The following GPD2 variants were observed in gnomAD, a reference collection of about 807,000 sequenced individuals.
GPD2 encodes the protein glycerol-3-phosphate dehydrogenase, mitochondrial.
In GPD2, 54 loss-of-function variants were observed where a neutral mutation model predicts 82.4. That is an observed-to-expected ratio of 0.66 (90% CI 0.53 to 0.82). The LOEUF is 0.82. Among genes scored for constraint, GPD2 ranks in the 40% least tolerant of loss-of-function variants. The pLI is 0.00. For missense variants in GPD2, 748 were observed against 896.2 expected, an observed-to-expected ratio of 0.83 and a Z score of 2.11; for synonymous variants, 288 against 306.1, an observed-to-expected ratio of 0.94 and a Z score of 0.62.
intron 2 of GPD2, among the ~76,000 whole-genome samples, chr2:156,478,669 A>G (rs899249385): frequency 2.0e-5 from 3 of 152,116 alleles, no homozygotes; most frequent in South Asian, 2.1e-4. Flanking sequence ...CCTGACTTCA[A>G]TAGTCAAAAA....
At chr2:156,433,629 T>G (rs1688346762), upstream of GPD2, among the ~76,000 whole-genome samples, 1 of 152,212 alleles carries the variant, frequency 6.6e-6, no homozygotes, top group Non-Finnish European at 1.5e-5. Context: ...CGTGAATTAC[T>G]CTTGCAATTC....
At chr2:156,497,034 C>G (rs1343841606) in intron 3 of GPD2, among the ~76,000 whole-genome samples, 1 of 152,078 alleles carries the variant, frequency 6.6e-6, no homozygotes, top group Non-Finnish European at 1.5e-5. Context: ...TATAGAACAC[C>G]AATGCTCTTG....
chr2:156,455,518 CCTTA>C (rs1291631976), intron 1 of GPD2, among the ~76,000 whole-genome samples: 1 of 152,154 alleles, frequency 6.6e-6, no homozygotes, highest in Non-Finnish European at 1.5e-5. Flanking sequence ...TTCATTGCCT[CCTTA>C]CTTAGGATTA....
intron 16 of GPD2, 50 bp from the exon 17 acceptor site, chr2:156,582,741 AAG>A: frequency 1.3e-6 from 2 of 1,598,624 alleles, no homozygotes; most frequent in Non-Finnish European, 1.7e-6. Flanking sequence ...TGCCATGAAG[AAG>A]AGAGTAAGTT....
At chr2:156,489,817 CCT>C (rs1684102961) in intron 2 of GPD2, among the ~76,000 whole-genome samples, 1 of 81,862 alleles carries the variant, frequency 1.2e-5, no homozygotes, top group African/African-American at 5.0e-5. Context: ...CTCCCTCTTC[CCT>C]CTTTCCTGTT....
intron 2 of GPD2, among the ~76,000 whole-genome samples, chr2:156,493,751 G>A (rs565224253): frequency 4.5e-4 from 68 of 152,190 alleles, no homozygotes; most frequent in African/African-American, 1.6e-3. Context: ...GTGTGAAAAT[G>A]CTCTGGCGGT....
chr2:156,434,098 C>G (rs1190530956), upstream of GPD2, among the ~76,000 whole-genome samples: 4 of 152,050 alleles, frequency 2.6e-5, no homozygotes, highest in South Asian at 2.1e-4. Flanking sequence ...TGCCCAGTCA[C>G]AAGTTTTTAT....
intron 8 of GPD2, among the ~76,000 whole-genome samples, chr2:156,551,082 A>G (rs1686741010): frequency 6.6e-6 from 1 of 152,212 alleles, no homozygotes; most frequent in South Asian, 2.1e-4. Context: ...TTTATAAAGG[A>G]CGTATTTTAG....
At chr2:156,531,722 C>A (rs139878299) in intron 6 of GPD2, among the ~76,000 whole-genome samples, 92 of 152,308 alleles carry the variant, frequency 6.0e-4, no homozygotes, top group African/African-American at 2.2e-3. Flanking sequence ...AAGGACACTG[C>A]CCTTCTCAGT....
intron 1 of GPD2, among the ~76,000 whole-genome samples, chr2:156,437,487 C>T (rs1186958381): frequency 1.3e-5 from 2 of 152,124 alleles, no homozygotes; most frequent in African/African-American, 4.8e-5. Flanking sequence ...CAATGGAGAC[C>T]GTGTGCAGTC....
At chr2:156,451,458 C>T (rs1246175804) in intron 1 of GPD2, among the ~76,000 whole-genome samples, 5 of 65,490 alleles carry the variant, frequency 7.6e-5, no homozygotes, top group Admixed American at 1.8e-4. Context: ...GGCGGCTGGC[C>T]GGGCGGGGGG....
rs569477243 is a variant in GPD2 at position 156,550,552 on chromosome 2, T to A, written c.827-50T>A. ...ATGAATTAGTAATACACAGCATCCG[T>A]TAACAGAGAAACAAATGAGGTGTGT... is the stretch of plus-strand genomic sequence containing the variant. On this transcript the variant is annotated intron_variant, in intron 7 of 16. Transcript: ENST00000438166. 1.3e-5 allele frequency: 20 copies of A among 1,591,182 alleles called. No homozygotes were observed. The African/African-American group carries it at 2.5e-4, about 20-fold the overall frequency.
the GPD2 span, among the ~76,000 whole-genome samples, chr2:156,416,732 A>G: frequency 6.6e-6 from 1 of 152,066 alleles, no homozygotes; most frequent in Non-Finnish European, 1.5e-5. Flanking sequence ...AACAAAACAG[A>G]CAGATATCCC....
chr2:156,482,924 G>A (rs1374961820), intron 2 of GPD2, among the ~76,000 whole-genome samples: 1 of 152,108 alleles, frequency 6.6e-6, no homozygotes, highest in Non-Finnish European at 1.5e-5. Context: ...ATGCTAATGA[G>A]AGGCAAAGTG....
chr2:156,459,783 C>T (rs555008881), intron 1 of GPD2, among the ~76,000 whole-genome samples: 1 of 149,878 alleles, frequency 6.7e-6, no homozygotes, highest in Admixed American at 6.6e-5. Context: ...AGTCTGATGG[C>T]TTTGTTCAGG....
At chr2:156,499,456 A>G (rs1684507539) in intron 3 of GPD2, among the ~76,000 whole-genome samples, 1 of 152,174 alleles carries the variant, frequency 6.6e-6, no homozygotes, top group Non-Finnish European at 1.5e-5. Context: ...TGAAGTTACA[A>G]AGCCAGGCTT....
chr2:156,577,126 G>A (rs1169439959), intron 13 of GPD2, among the ~76,000 whole-genome samples: 1 of 152,132 alleles, frequency 6.6e-6, no homozygotes, highest in Non-Finnish European at 1.5e-5. Flanking sequence ...GAACATGAAG[G>A]AAGAATGTTT....
At chr2:156,445,606 C>T (rs1682343130) in intron 1 of GPD2, among the ~76,000 whole-genome samples, 1 of 152,206 alleles carries the variant, frequency 6.6e-6, no homozygotes, top group Non-Finnish European at 1.5e-5. Flanking sequence ...AAGCAATGTG[C>T]AACTTGGTAT....
chr2:156,485,311 C>G (rs1489395282), intron 2 of GPD2, among the ~76,000 whole-genome samples: 3 of 152,160 alleles, frequency 2.0e-5, no homozygotes, highest in Non-Finnish European at 4.4e-5. Context: ...CATAAGCTAC[C>G]TGTTTTGCTT....
Sources: allele counts gnomAD v4.1 joint callset (sites outside exome capture counted in the v4.1 genomes callset), GRCh38; gene constraint gnomAD v4.1.1; transcripts MANE v1.5; gene names NCBI Gene and HGNC (gene_info 2026-07-23, HGNC 2026-07-21).